Variants in ZNF763 observed in about 807,000 individuals in gnomAD.
ZNF763 encodes zinc finger protein 763.
A neutral mutation model predicts 38.0 loss-of-function variants in ZNF763; 33 were observed. That is an observed-to-expected ratio of 0.87 (90% CI 0.66 to 1.16). The LOEUF (loss-of-function observed/expected upper bound fraction) is 1.16. Ranked by LOEUF, ZNF763 falls within the 50% of genes most tolerant of loss-of-function variation. The pLI, the probability that ZNF763 is intolerant of heterozygous loss-of-function variation, is 0.00. For missense variants in ZNF763, 423 were observed against 469.1 expected (o/e 0.90, Z 0.91); for synonymous variants, 155 against 160.1 (o/e 0.97, Z 0.24).
chr19:11,978,896 C>A lies in ZNF763; in HGVS notation c.972C>A (p.Tyr324Ter). 4 of 1,614,152 alleles carry A rather than the reference C, an allele frequency of 2.5e-6. No homozygotes were observed. The highest frequency in any genetic ancestry group is 2.5e-6 in the Non-Finnish European group (3 of 1,180,022). Residue 324 changes from tyrosine (Y) to a stop codon, truncating the protein, a stop_gained, in exon 4 of 4, where the codon TAC becomes TAA. Transcript: ENST00000358987. LOFTEE classifies it high-confidence loss of function. ...AATGTAATAAAGCATTCCGTAGTTACAGATCCTATCTTAGACATAAAAGGA... is the reference window on the plus strand; with the variant it reads ...AATGTAATAAAGCATTCCGTAGTTAAAGATCCTATCTTAGACATAAAAGGA... Reference protein sequence around the residue: ...CSKCNKAFRSYRSYLRHKRSH... With the variant: ...CSKCNKAFRS
chr19:11,979,132 C>T lies in ZNF763; in HGVS notation c.*23C>T, dbSNP rs111486980. The T allele has an allele frequency of 0.018, 29,127 of 1,610,108 alleles. 314 individuals are homozygous for T. The highest frequency in any genetic ancestry group is 0.027 in the African/African-American group (1,965 of 73,990). Reference sequence around the variant, plus strand: ...TAAATGTTAGATATGTGGGAAAGGCCTTTATTCTGCCAAGTCATTTCGAAG... The same window carrying T: ...TAAATGTTAGATATGTGGGAAAGGCTTTTATTCTGCCAAGTCATTTCGAAG... On this transcript the variant is annotated 3_prime_UTR_variant, in exon 4 of 4. Transcript: ENST00000358987.
intron 1 of ZNF763, among the ~76,000 whole-genome samples, chr19:11,966,965 C>T (rs1268067953): frequency 6.6e-6 from 1 of 152,056 alleles, no homozygotes; most frequent in Non-Finnish European, 1.5e-5. Context: ...CTCATCAGAC[C>T]CCAAGAGGGT....
intron 1 of ZNF763, among the ~76,000 whole-genome samples, chr19:11,974,545 T>G (rs1309728512): frequency 6.6e-6 from 1 of 151,704 alleles, no homozygotes; most frequent in Admixed American, 6.6e-5. Flanking sequence ...TCCCGTCATA[T>G]GTTTGTTTGA....
In ZNF763 at chr19:11,979,407, T is replaced by G; in HGVS notation, c.*298T>G. ...TTCAGATCTGCCTCACACCTTCAAA[T>G]TCATGAAAGGACACAAACACACATA... On this transcript the variant is annotated 3_prime_UTR_variant, in exon 4 of 4. Coordinates refer to ENST00000358987, the MANE Select transcript of ZNF763 (RefSeq NM_001367172.2). 1 of 1,604,148 alleles carries G rather than the reference T, an allele frequency of 6.2e-7. No homozygotes were observed. The highest frequency in any genetic ancestry group is 8.5e-7 in the Non-Finnish European group (1 of 1,176,312).
At position 11,977,059 on chromosome 19, in the gene ZNF763, G is replaced by A. The variant is rs1459213944; in HGVS notation, c.25G>A (p.Val9Ile). The change falls in exon 2 of 4, where the codon GTT (valine) becomes ATT (isoleucine). Residue 9 changes from valine (V) to isoleucine (I), a missense_variant. Coordinates refer to ENST00000358987, the MANE Select transcript of ZNF763 (RefSeq NM_001367172.2). ...TCAGGACCCTGTGGCCTGTGAGGAT[G>A]TTGCTGTGAACTTCACCCAGGAGGA... The part of the protein sequence containing the change: MDPVACED[V>I]AVNFTQEEWA... The A allele has an allele frequency of 1.2e-6, 2 of 1,614,164 alleles. No homozygotes were observed. The highest frequency in any genetic ancestry group is 4.5e-5 in the East Asian group (2 of 44,892).
chr19:11,970,938 T>TA (rs71166644), intron 1 of ZNF763, among the ~76,000 whole-genome samples: 143 of 148,872 alleles, frequency 9.6e-4, no homozygotes, highest in African/African-American at 3.1e-3. Context: ...TTTCAAAAAA[T>TA]AAAAAAAAAA....
Position 11,979,100 on chromosome 19 carries a change from G to C in ZNF763, c.1176G>C (p.Lys392Asn), listed in dbSNP as rs368604449. The change falls in exon 4 of 4, where the codon AAG (lysine) becomes AAC (asparagine). Residue 392 changes from lysine (K) to asparagine (N), a missense_variant. Lys to Asn is a moderately conservative substitution (Grantham distance 94, BLOSUM62 0). Coordinates refer to ENST00000358987, the MANE Select transcript of ZNF763 (RefSeq NM_001367172.2). The stretch of plus-strand genomic sequence containing the variant: ...CACCTAAGAATGCGCTCTGGAGAAA[G>C]ACCTTATAAATGTTAGATATGTGGG... ...SNTPKNALWR[K>N]TL 3.1e-6 allele frequency: 5 copies of C among 1,613,700 alleles called. No homozygotes were observed. The African/African-American group carries it at 6.7e-5, about 22-fold the overall frequency.
At chr19:11,978,018 C>T in intron 3 of ZNF763, 98 bp from the exon 4 acceptor site, 1 of 1,453,314 alleles carries the variant, frequency 6.9e-7, no homozygotes, top group Non-Finnish European at 9.3e-7. Flanking sequence ...GGCAGAAAGC[C>T]TACACCTTGA....
At chr19:11,965,259 G>A in intron 1 of ZNF763, 48 bp downstream of exon 1, 1 of 1,612,056 alleles carries the variant, frequency 6.2e-7, no homozygotes, top group Non-Finnish European at 8.5e-7. Context: ...AGGCTGCCTG[G>A]AACCGGCCGG....
chr19:11,977,479 T>C (rs377124132), intron 3 of ZNF763, 48 bp downstream of exon 3: 2 of 1,591,102 alleles, frequency 1.3e-6, no homozygotes, highest in Non-Finnish European at 1.7e-6. Flanking sequence ...GATTTTAGTA[T>C]ATGATAATAT....
intron 1 of ZNF763, among the ~76,000 whole-genome samples, chr19:11,967,509 A>G (rs1033609661): frequency 2.0e-5 from 3 of 151,592 alleles, no homozygotes; most frequent in African/African-American, 4.8e-5. Flanking sequence ...GGTTCACGCC[A>G]TTCTCCTGCC....
chr19:11,980,381 CAAAAA>C lies in ZNF763; in HGVS notation c.*1286_*1290del. 2 of 122,832 alleles carry C rather than the reference CAAAAA, an allele frequency of 1.6e-5. No homozygotes were observed. Among genetic ancestry groups the C allele is most frequent in the Non-Finnish European group, 3.3e-5 (2 of 61,274 alleles). 7.6% of individuals were successfully genotyped at this position (122,832 alleles called of 1,614,324 possible). A position where few individuals can be genotyped will look rare whatever the true frequency, so the allele number is the denominator to read the frequency against. ...GGGCAACAGGAGCAAAACTCCGTCT[CAAAAA>C]AAAAAAAAAAAAAGACTTGGCCTTG... is the stretch of plus-strand genomic sequence containing the variant. On this transcript the variant is annotated 3_prime_UTR_variant, in exon 4 of 4. Transcript: ENST00000358987.
intron 1 of ZNF763, among the ~76,000 whole-genome samples, chr19:11,966,162 T>C (rs1302739498): frequency 6.6e-6 from 1 of 152,200 alleles, no homozygotes; most frequent in Non-Finnish European, 1.5e-5. Context: ...TGGTATCTTC[T>C]TGCCACAAGG....
chr19:11,974,147 TTTCTTTCTTTCCTTCCTTCC>T (rs1568308597), intron 1 of ZNF763, among the ~76,000 whole-genome samples: 2 of 122,818 alleles, frequency 1.6e-5, no homozygotes, highest in Non-Finnish European at 3.2e-5. Context: ...TCTTTCTTTC[TTTCTTTCTTTCCTTCCTTCC>T]TTCCTTCCTT....
chr19:11,974,802 C>A (rs1021031931), intron 1 of ZNF763, among the ~76,000 whole-genome samples: 1 of 152,072 alleles, frequency 6.6e-6, no homozygotes, highest in South Asian at 2.1e-4. Flanking sequence ...GGAGTTACAC[C>A]ATGTTGGCCA....
At chr19:11,976,887 A>T in intron 1 of ZNF763, 151 bp from the exon 2 acceptor site, 5 of 1,506,064 alleles carry the variant, frequency 3.3e-6, no homozygotes, top group Non-Finnish European at 4.4e-6. Context: ...AAAATGCTTT[A>T]TGGAAGAAAG....
chr19:11,965,054 G>A lies in ZNF763; in HGVS notation c.-155G>A, dbSNP rs2145317947. The A allele has an allele frequency of 1.1e-6, 1 of 904,102 alleles. No homozygotes were observed. The highest frequency in any genetic ancestry group is 2.8e-5 in the East Asian group (1 of 35,446). The allele number at this position is 904,102 out of a possible 1,614,324, so 56.0% of individuals were successfully genotyped here. A position where few individuals can be genotyped will look rare whatever the true frequency, so the allele number is the denominator to read the frequency against. ...GGGTCGCATTCCTGTCCTCACCTTT[G>A]TCCTTGCGCAGCCGGTGGTTGATAT... On this transcript the variant is annotated 5_prime_UTR_variant, in exon 1 of 4. Transcript: ENST00000358987.
At position 11,979,956 on chromosome 19, in the gene ZNF763, A is replaced by C; in HGVS notation, c.*847A>C. The C allele has an allele frequency of 8.6e-7, 1 of 1,162,472 alleles. No individual in the cohort carries two copies. Among genetic ancestry groups the C allele is most frequent in the East Asian group, 2.8e-5 (1 of 35,594 alleles). The allele number at this position is 1,162,472 out of a possible 1,614,324, so 72.0% of individuals were successfully genotyped here. ...GCCAAGTCATTTCAAATACCTGAAA[A>C]ATCTTACACTGGAGAGAAACCCTAT... On this transcript the variant is annotated 3_prime_UTR_variant, in exon 4 of 4. Transcript: ENST00000358987.
In ZNF763 at chr19:11,965,172, C is replaced by T. The variant is rs761085659; in HGVS notation, c.-37C>T. ...CTGTGCCCTTCTGTAGTCACAGGAG[C>T]TGTAGAGAGGACCCCAGGACATCTG... On this transcript the variant is annotated 5_prime_UTR_variant, in exon 1 of 4. Transcript: ENST00000358987. The T allele has an allele frequency of 2.3e-5, 37 of 1,613,766 alleles. No individual in the cohort carries two copies. The highest frequency in any genetic ancestry group is 2.8e-5 in the Non-Finnish European group (33 of 1,179,836).
Sources: gnomAD v4.1 joint callset for allele counts (sites outside exome capture counted in the v4.1 genomes callset) on GRCh38, gnomAD v4.1.1 for gene constraint, MANE v1.5 for transcripts, NCBI Gene and HGNC (gene_info 2026-07-23, HGNC 2026-07-21) for gene names.